KCNN3: variants seen among roughly 807,000 people sequenced by gnomAD.
KCNN3 encodes the protein potassium calcium-activated channel subfamily N member 3, also known as small conductance calcium-activated potassium channel protein 3.
KCNN3 carries 16 observed loss-of-function variants against 62.9 expected under a neutral mutation model. That is an observed-to-expected ratio of 0.25 (90% CI 0.17 to 0.39). The LOEUF (loss-of-function observed/expected upper bound fraction) is 0.39. Ranked by LOEUF, KCNN3 falls within the 10% of genes least tolerant of loss-of-function variation. The probability of loss-of-function intolerance (pLI) is 1.00; values close to 1 mark genes in which losing one functional copy is unlikely to be tolerated. For synonymous variants in KCNN3, 370 were observed against 389.2 expected (o/e 0.95, Z 0.58); for missense variants, 599 against 949.4 (o/e 0.63, Z 4.85).
Position 154,735,589 on chromosome 1 carries a change from C to T in KCNN3, c.1449-2445G>A, listed in dbSNP as rs1024977753. ...GCCTGCCTTTGCTCCCCTGGCTATC[C>T]TTGAGTAGCACAGGCTGGTGGCTCC... On this transcript the variant is annotated intron_variant, in intron 3 of 7. Transcript: ENST00000271915. Among the ~76,000 whole-genome samples the T allele has an allele frequency of 3.9e-5, 6 of 152,286 alleles. 1 individual carries two copies. In the South Asian group the frequency reaches 1.2e-3, roughly 32 times the overall value.
Position 154,772,608 on chromosome 1 carries a change from C to T in KCNN3, c.1030-215G>A, listed in dbSNP as rs1159507759. 6.6e-6 allele frequency among the ~76,000 whole-genome samples: 1 copy of T among 152,228 alleles called. No homozygotes were observed. On this transcript the variant is annotated intron_variant, in intron 2 of 7. Coordinates refer to ENST00000271915, the MANE Select transcript of KCNN3 (RefSeq NM_002249.6). The surrounding 1 kb of genome is among the most constrained non-coding windows in gnomAD (Gnocchi z 5.6). ...TCTACCTGGGAAGCCCTGGCTAAGA[C>T]ACTTTGACTCTCTTGGCCTCACTTT...
chr1:154,818,347 C>T (rs1170039063), intron 2 of KCNN3, among the ~76,000 whole-genome samples: 4 of 152,146 alleles, frequency 2.6e-5, no homozygotes, highest in East Asian at 3.8e-4. Flanking sequence ...GGCAGAAGGG[C>T]GGGCTTTCTA....
chr1:154,771,644 CATT>C (rs1450259722), intron 3 of KCNN3, among the ~76,000 whole-genome samples: 2 of 152,186 alleles, frequency 1.3e-5, no homozygotes, highest in Non-Finnish European at 2.9e-5. Flanking sequence ...TGCTAATAAG[CATT>C]ATTAATACCC....
At chr1:154,804,426 A>G (rs1650083150) in intron 2 of KCNN3, among the ~76,000 whole-genome samples, 1 of 152,218 alleles carries the variant, frequency 6.6e-6, no homozygotes, top group South Asian at 2.1e-4. Context: ...TCCCCACATC[A>G]TGATGTCCCC....
chr1:154,782,392 G>T (rs1649088291), intron 2 of KCNN3, among the ~76,000 whole-genome samples: 1 of 152,224 alleles, frequency 6.6e-6, no homozygotes, highest in Non-Finnish European at 1.5e-5. Context: ...CTGAGATCAG[G>T]GTGCCAACAC....
chr1:154,829,439 G>T (rs958084921), intron 1 of KCNN3, among the ~76,000 whole-genome samples: 1 of 152,200 alleles, frequency 6.6e-6, no homozygotes, highest in Non-Finnish European at 1.5e-5. Context: ...CTGGAGATGG[G>T]GCTAAACCTC....
intron 7 of KCNN3, among the ~76,000 whole-genome samples, chr1:154,709,648 T>C (rs1700033897): frequency 6.6e-6 from 1 of 152,134 alleles, no homozygotes; most frequent in East Asian, 1.9e-4. Flanking sequence ...GGTCACAAGG[T>C]GGCATGGAGA....
At chr1:154,776,040 G>A (rs1031870911) in intron 2 of KCNN3, among the ~76,000 whole-genome samples, 4 of 152,202 alleles carry the variant, frequency 2.6e-5, no homozygotes, top group Middle Eastern at 3.2e-3. Context: ...AGAATGCACC[G>A]GCAGCTCTGC....
chr1:154,726,165 A>G (rs1700458326), intron 4 of KCNN3, 139 bp from the exon 5 acceptor site: 3 of 641,318 alleles, frequency 4.7e-6, no homozygotes, highest in Non-Finnish European at 8.4e-6. Context: ...GCTGGTCACG[A>G]CCAAGCCACA....
At position 154,790,968 on chromosome 1, in the gene KCNN3, C is replaced by A. The variant is rs369813232; in HGVS notation, c.1030-18575G>T. Among the ~76,000 whole-genome samples, 4 of 152,248 alleles carry A rather than the reference C, an allele frequency of 2.6e-5. No homozygotes were observed. In the South Asian group the frequency reaches 8.3e-4, roughly 32 times the overall value. On this transcript the variant is annotated intron_variant, in intron 2 of 7. Transcript: ENST00000271915. ...ATGAGGCCAAGTGTGGTGGCTCACG[C>A]CTGTAATCCCAGCACTTTGGGAGGC...
intron 3 of KCNN3, among the ~76,000 whole-genome samples, chr1:154,745,691 C>G (rs544001004): frequency 4.6e-5 from 7 of 152,204 alleles, no homozygotes; most frequent in Non-Finnish European, 1.0e-4. Flanking sequence ...GCACTGTCAA[C>G]CTCTTTGAAA....
chr1:154,814,012 C>T (rs1260406771), intron 2 of KCNN3, among the ~76,000 whole-genome samples: 7 of 152,266 alleles, frequency 4.6e-5, no homozygotes, highest in Non-Finnish European at 8.8e-5. Context: ...CATGGCAATC[C>T]ATGGCCAGCG....
At chr1:154,752,082 G>A (rs1647405595) in intron 3 of KCNN3, among the ~76,000 whole-genome samples, 1 of 152,192 alleles carries the variant, frequency 6.6e-6, no homozygotes, top group Admixed American at 6.5e-5. Context: ...GTCCTCGAAA[G>A]GCCTCCTTTA....
At chr1:154,773,843 G>C (rs574792778) in intron 2 of KCNN3, among the ~76,000 whole-genome samples, 18 of 152,242 alleles carry the variant, frequency 1.2e-4, no homozygotes, top group Admixed American at 3.3e-4. Flanking sequence ...AAAAAGTCAT[G>C]TTTCCTGCAT....
intron 2 of KCNN3, among the ~76,000 whole-genome samples, chr1:154,812,503 C>A (rs777338582): frequency 6.6e-6 from 1 of 151,562 alleles, no homozygotes; most frequent in East Asian, 1.9e-4. Context: ...TGAGAACATG[C>A]GGTGTTTGGT....
chr1:154,822,234 T>C, intron 1 of KCNN3, 50 bp from the exon 2 acceptor site: 1 of 1,342,684 alleles, frequency 7.4e-7, no homozygotes, highest in South Asian at 1.2e-5. Flanking sequence ...GAAAGGAGCG[T>C]CTCACTTTAT....
At chr1:154,733,407 T>C (rs1023363336) in intron 3 of KCNN3, among the ~76,000 whole-genome samples, 14 of 152,184 alleles carry the variant, frequency 9.2e-5, no homozygotes, top group African/African-American at 3.4e-4. Context: ...TTGCACCTCA[T>C]TGTAGACATC....
rs138176095 is a variant in KCNN3, at chr1:154,797,007, G to A, written c.1030-24614C>T. ...GGGGGTGATCTGCTTGGCTTCATCA[G>A]CAGCCTGCGACAACTAGTGGCCTAC... On this transcript the variant is annotated intron_variant, in intron 2 of 7. Transcript: ENST00000271915. 5.4e-3 allele frequency among the ~76,000 whole-genome samples: 825 copies of A among 152,338 alleles called. 8 individuals carry two copies. The highest frequency in any genetic ancestry group is 0.018 in the African/African-American group (744 of 41,572).
At chr1:154,800,273 T>A (rs1161605401) in intron 2 of KCNN3, among the ~76,000 whole-genome samples, 2 of 152,116 alleles carry the variant, frequency 1.3e-5, no homozygotes, top group African/African-American at 2.4e-5. Context: ...CTTGAGAAGG[T>A]GTAAGTTTCT....
Sources: allele counts gnomAD v4.1 joint callset (sites outside exome capture counted in the v4.1 genomes callset), GRCh38; gene constraint gnomAD v4.1.1; non-coding constraint Gnocchi (gnomAD v3.1); transcripts MANE v1.5; gene names NCBI Gene and HGNC (gene_info 2026-07-23, HGNC 2026-07-21).